The following AFAP1L2 variants were observed in gnomAD, a reference collection of about 807,000 sequenced individuals.
AFAP1L2 encodes actin filament associated protein 1 like 2.
In AFAP1L2, 46 loss-of-function variants were observed where a neutral mutation model predicts 99.3. The observed-to-expected ratio is 0.46, with a 90% confidence interval of 0.37 to 0.59. The LOEUF is 0.59. Among genes scored for constraint, AFAP1L2 ranks in the 20% least tolerant of loss-of-function variants. The pLI is 0.00. For missense variants in AFAP1L2, 959 were observed against 1,034.9 expected (o/e 0.93, Z 1.01); for synonymous variants, 397 against 419.1 (o/e 0.95, Z 0.64).
At chr10:114,367,756 G>T (rs2053499956) in intron 1 of AFAP1L2, among the ~76,000 whole-genome samples, 1 of 152,160 alleles carries the variant, frequency 6.6e-6, no homozygotes, top group African/African-American at 2.4e-5. Context: ...AAGAGAGACT[G>T]CTCCCCACCC....
At chr10:114,290,163 G>A, downstream of AFAP1L2, 1 of 1,524,268 alleles carries the variant, frequency 6.6e-7, no homozygotes, top group Non-Finnish European at 8.9e-7. Context: ...CACCTCTACT[G>A]GGCTTACTTA....
chr10:114,360,696 A>T (rs2052265724), intron 1 of AFAP1L2, among the ~76,000 whole-genome samples: 1 of 152,172 alleles, frequency 6.6e-6, no homozygotes, highest in Middle Eastern at 3.2e-3. Context: ...GGCAAGAAAA[A>T]TGTTACACAG....
At chr10:114,379,335 A>C (rs962218196) in intron 1 of AFAP1L2, among the ~76,000 whole-genome samples, 1 of 152,026 alleles carries the variant, frequency 6.6e-6, no homozygotes, top group African/African-American at 2.4e-5. Context: ...TGCAGCAGAT[A>C]AAGAAGTGAC....
At position 114,390,683 on chromosome 10, in the gene AFAP1L2, T is replaced by C. The variant is rs534089646; in HGVS notation, c.16+13757A>G. Among the ~76,000 whole-genome samples, 35 of 139,920 alleles carry C rather than the reference T, an allele frequency of 2.5e-4. 2 individuals are homozygous for C. The South Asian group carries it at 7.5e-3, about 30-fold the overall frequency. 91.8% of individuals were successfully genotyped at this position (139,920 alleles called of 152,430 possible). The stretch of plus-strand genomic sequence containing the variant: ...TTGCAGTGACCCGAGATCACGCCAC[T>C]GTACTCCAGCCTGGACAACAGGGCG... On this transcript the variant is annotated intron_variant, in intron 1 of 18. Transcript: ENST00000304129.
intron 5 of AFAP1L2, among the ~76,000 whole-genome samples, chr10:114,317,611 C>T (rs752404482): frequency 5.3e-5 from 8 of 152,174 alleles, no homozygotes; most frequent in Non-Finnish European, 1.0e-4. Flanking sequence ...GTAATTCTGG[C>T]ATTCTGGGAG....
chr10:114,284,941 C>T, the AFAP1L2 span: 47 of 1,603,642 alleles, frequency 2.9e-5, 1 homozygote, highest in African/African-American at 3.2e-4. Flanking sequence ...TGCCTCTGCC[C>T]GCTGGCCTTT....
chr10:114,387,019 G>A (rs1462179265), intron 1 of AFAP1L2, among the ~76,000 whole-genome samples: 2 of 152,260 alleles, frequency 1.3e-5, no homozygotes, highest in African/African-American at 2.4e-5. Flanking sequence ...TGTTCATCTC[G>A]TCAGCCAATC....
chr10:114,283,478 G>A, the AFAP1L2 span, among the ~76,000 whole-genome samples: 18 of 152,184 alleles, frequency 1.2e-4, no homozygotes, highest in African/African-American at 3.9e-4. Context: ...CCAGCACCAC[G>A]GCCTCTGAAG....
intron 13 of AFAP1L2, among the ~76,000 whole-genome samples, chr10:114,300,971 A>C (rs568213993): frequency 6.6e-6 from 1 of 152,172 alleles, no homozygotes; most frequent in Non-Finnish European, 1.5e-5. Flanking sequence ...GATCATCTGC[A>C]GGAGGTCCTC....
At chr10:114,371,220 G>A (rs897428116) in intron 1 of AFAP1L2, among the ~76,000 whole-genome samples, 11 of 152,154 alleles carry the variant, frequency 7.2e-5, no homozygotes, top group Non-Finnish European at 1.0e-4. Context: ...CATGCCAAAC[G>A]CTTTGCTCAG....
At position 114,334,182 on chromosome 10, in the gene AFAP1L2, C is replaced by T. The variant is rs868470123; in HGVS notation, c.146-887G>A. ...TACCCTGCAGTGGCACAATCCATGC[C>T]TCCTTTAAAACCACTTCTGTGCAGG... On this transcript the variant is annotated intron_variant, in intron 2 of 18. Transcript: ENST00000304129. Among the ~76,000 whole-genome samples, 9 of 152,214 alleles carry T rather than the reference C, an allele frequency of 5.9e-5. No individual in the cohort carries two copies. The South Asian group carries it at 1.7e-3, about 28-fold the overall frequency.
chr10:114,369,250 A>G (rs937500716), intron 1 of AFAP1L2, among the ~76,000 whole-genome samples: 3 of 152,180 alleles, frequency 2.0e-5, no homozygotes, highest in Admixed American at 6.5e-5. Context: ...TGAAGCCAGG[A>G]GTTCAAGATC....
chr10:114,397,909 C>A (rs1300181345), intron 1 of AFAP1L2, among the ~76,000 whole-genome samples: 1 of 152,162 alleles, frequency 6.6e-6, no homozygotes, highest in Non-Finnish European at 1.5e-5. Flanking sequence ...GAGAAGAGAA[C>A]TCAGGGGCCT....
chr10:114,397,811 T>C (rs1416465009), intron 1 of AFAP1L2, among the ~76,000 whole-genome samples: 2 of 152,146 alleles, frequency 1.3e-5, no homozygotes, highest in African/African-American at 4.8e-5. Context: ...TGATTTGCAG[T>C]GTGCTGGGGC....
Position 114,295,437 on chromosome 10 carries a change from A to AAAT in AFAP1L2, c.*602_*604dup, listed in dbSNP as rs2040057437. The stretch of plus-strand genomic sequence containing the variant: ...GGGATTAGTGCTTCAGCTTGGTCCC[A>AAAT]AATATTTTCCCCATTATTGTTTCTC... On this transcript the variant is annotated 3_prime_UTR_variant, in exon 19 of 19. Transcript: ENST00000304129. 2 of 985,630 alleles carry AAAT rather than the reference A, an allele frequency of 2.0e-6. No homozygotes were observed. The highest frequency in any genetic ancestry group is 9.4e-5 in the South Asian group (2 of 21,286). 61.1% of individuals were successfully genotyped at this position (985,630 alleles called of 1,614,324 possible).
At chr10:114,378,804 C>T (rs2055164306) in intron 1 of AFAP1L2, among the ~76,000 whole-genome samples, 1 of 152,200 alleles carries the variant, frequency 6.6e-6, no homozygotes, top group Admixed American at 6.5e-5. Context: ...AGGCCATGCA[C>T]CAGATAGAGA....
At chr10:114,315,830 TG>T in intron 5 of AFAP1L2, 65 bp from the exon 6 acceptor site, 1 of 1,491,326 alleles carries the variant, frequency 6.7e-7, no homozygotes, top group Non-Finnish European at 9.1e-7. Context: ...GCAGCATCGC[TG>T]GGGAGGGCAG....
intron 1 of AFAP1L2, among the ~76,000 whole-genome samples, chr10:114,399,681 C>T (rs1169297398): frequency 1.3e-5 from 2 of 152,158 alleles, no homozygotes; most frequent in African/African-American, 4.8e-5. Context: ...CACAAAAGTC[C>T]TTGAGAAATG....
intron 1 of AFAP1L2, among the ~76,000 whole-genome samples, chr10:114,401,984 G>A (rs575468087): frequency 1.3e-5 from 2 of 152,312 alleles, no homozygotes; most frequent in African/African-American, 2.4e-5. Flanking sequence ...GAGAGAGGGA[G>A]AGCTCAAAAT....
Sources: allele counts gnomAD v4.1 joint callset (sites outside exome capture counted in the v4.1 genomes callset), GRCh38; gene constraint gnomAD v4.1.1; transcripts MANE v1.5; gene names NCBI Gene and HGNC (gene_info 2026-07-23, HGNC 2026-07-21).